Variants in RHOBTB2 observed in about 807,000 individuals in gnomAD.
RHOBTB2 encodes the protein Rho related BTB domain containing 2.
In RHOBTB2, 39 loss-of-function variants were observed where a neutral mutation model predicts 66.5. The ratio of observed to expected loss-of-function variants is 0.59; its 90% confidence interval spans 0.45 to 0.77. The LOEUF (loss-of-function observed/expected upper bound fraction) is 0.77. RHOBTB2 is among the 30% of genes least tolerant of loss of function. The pLI, the probability that RHOBTB2 is intolerant of heterozygous loss-of-function variation, is 0.00. For synonymous variants in RHOBTB2, 390 were observed against 395.0 expected (o/e 0.99, Z 0.15); for missense variants, 755 against 999.1 (o/e 0.76, Z 3.29).
rs945256813 is a variant in RHOBTB2 at position 23,000,067 on chromosome 8, G to C, written c.-49G>C. Reference sequence around the variant, plus strand: ...GAGCGTGCTCAGCAGGAAGAGATGTGTTCCTCACGCTAGAAGCCACCCCGT... The same window carrying C: ...GAGCGTGCTCAGCAGGAAGAGATGTCTTCCTCACGCTAGAAGCCACCCCGT... On this transcript the variant is annotated 5_prime_UTR_variant, in exon 1 of 10. Transcript: ENST00000251822. 1.1e-5 allele frequency: 11 copies of C among 985,386 alleles called. No individual in the cohort carries two copies. Among genetic ancestry groups the C allele is most frequent in the African/African-American group, 1.7e-5 (1 of 57,246 alleles). The allele number at this position is 985,386 out of a possible 1,614,324, so 61.0% of individuals were successfully genotyped here. A position where few individuals can be genotyped will look rare whatever the true frequency, so the allele number is the denominator to read the frequency against.
the RHOBTB2 span, among the ~76,000 whole-genome samples, chr8:22,959,881 T>C: frequency 6.6e-6 from 1 of 151,334 alleles, no homozygotes; most frequent in Non-Finnish European, 1.5e-5. Flanking sequence ...GTTGAAATGT[T>C]GGCCGGGTGT....
chr8:23,013,195 A>G (rs1811195968), intron 7 of RHOBTB2, among the ~76,000 whole-genome samples: 1 of 151,988 alleles, frequency 6.6e-6, no homozygotes, highest in African/African-American at 2.4e-5. Context: ...CGGCTTCCCA[A>G]AGTGCTGTGA....
At chr8:23,001,698 G>A (rs1157308134) in intron 1 of RHOBTB2, among the ~76,000 whole-genome samples, 4 of 152,178 alleles carry the variant, frequency 2.6e-5, no homozygotes, top group Non-Finnish European at 4.4e-5. Context: ...TTCCCAGAGG[G>A]GGAGACTGAT....
chr8:23,009,692 G>A (rs1467598318), intron 6 of RHOBTB2, among the ~76,000 whole-genome samples: 2 of 152,214 alleles, frequency 1.3e-5, no homozygotes, highest in African/African-American at 4.8e-5. Flanking sequence ...GATGTGGAAT[G>A]TGCATTTTCT....
upstream of RHOBTB2, among the ~76,000 whole-genome samples, chr8:22,984,235 T>C (rs185110164): frequency 6.6e-6 from 1 of 152,272 alleles, no homozygotes; most frequent in African/African-American, 2.4e-5. Context: ...CCATACAATA[T>C]GGTACAAAAT....
chr8:22,999,548 G>C lies in RHOBTB2; in HGVS notation c.-568G>C. The C allele has an allele frequency of 2.5e-6, 3 of 1,176,634 alleles. No individual in the cohort carries two copies. The highest frequency in any genetic ancestry group is 3.2e-6 in the Non-Finnish European group (3 of 938,920). 72.9% of individuals were successfully genotyped at this position (1,176,634 alleles called of 1,614,324 possible). The stretch of plus-strand genomic sequence containing the variant: ...CCACCAACTGCGCGCGGCAGTGGGC[G>C]GGGCCCGTCACGGCTGTCGTCTTGG... On this transcript the variant is annotated 5_prime_UTR_variant, in exon 1 of 10. Coordinates refer to ENST00000251822, the MANE Select transcript of RHOBTB2 (RefSeq NM_015178.3).
intron 7 of RHOBTB2, among the ~76,000 whole-genome samples, chr8:23,013,550 T>C (rs1030877255): frequency 1.3e-5 from 2 of 152,076 alleles, no homozygotes; most frequent in East Asian, 1.9e-4. Flanking sequence ...GGCTGGAGTA[T>C]AGTGATGTGA....
At chr8:22,986,314 C>T (rs1373882576), upstream of RHOBTB2, among the ~76,000 whole-genome samples, 2 of 125,234 alleles carry the variant, frequency 1.6e-5, no homozygotes, top group East Asian at 2.4e-4. Flanking sequence ...TCACTCTTTT[C>T]GCCCAGGTGT....
the RHOBTB2 span, among the ~76,000 whole-genome samples, chr8:22,969,257 C>G: frequency 1.3e-5 from 2 of 152,164 alleles, no homozygotes; most frequent in East Asian, 1.9e-4. Flanking sequence ...GTAACCCCCC[C>G]ACCCCCGCAT....
In RHOBTB2 at chr8:23,005,537, C is replaced by T. The variant is rs1051962718; in HGVS notation, c.296+62C>T. The T allele has an allele frequency of 5.4e-6, 6 of 1,116,582 alleles. No homozygotes were observed. The African/African-American group carries it at 7.7e-5, about 14-fold the overall frequency. 69.2% of individuals were successfully genotyped at this position (1,116,582 alleles called of 1,614,324 possible). A position where few individuals can be genotyped will look rare whatever the true frequency, so the allele number is the denominator to read the frequency against. On this transcript the variant is annotated intron_variant, in intron 3 of 9. Coordinates refer to ENST00000251822, the MANE Select transcript of RHOBTB2 (RefSeq NM_015178.3). Reference sequence around the variant, plus strand: ...AGGGTGGGTTTTTCCCTGCTTTTCCCAGGAACAAAGCACCTCTGTGAAATT... The same window carrying T: ...AGGGTGGGTTTTTCCCTGCTTTTCCTAGGAACAAAGCACCTCTGTGAAATT...
chr8:22,972,696 C>G, the RHOBTB2 span, among the ~76,000 whole-genome samples: 3 of 152,236 alleles, frequency 2.0e-5, no homozygotes, highest in Non-Finnish European at 4.4e-5. Context: ...TTGGACCCTA[C>G]TCCCAGCGTT....
rs1342073189 is a variant in RHOBTB2, at chr8:23,004,537, G to A, written c.103G>A (p.Ala35Thr). 5.6e-6 allele frequency: 9 copies of A among 1,614,090 alleles called. No individual in the cohort carries two copies. Among genetic ancestry groups the A allele is most frequent in the South Asian group, 1.1e-5 (1 of 91,096 alleles). The change falls in exon 2 of 10, where the codon GCT (alanine) becomes ACT (threonine). Residue 35 changes from alanine (A) to threonine (T), a missense_variant. This residue lies in a region of RHOBTB2 where 65 missense variants were observed against 152.4 expected (regional missense o/e 0.43). Transcript: ENST00000251822. The surrounding 1 kb of genome is among the most constrained non-coding windows in gnomAD (Gnocchi z 6.4). ...TAAGACCAGGCTCATCTGTGCCCGC[G>A]CTTGCAATGCCACCCTCACCCAGTA... ...VGKTRLICARACNATLTQYQL... is the reference protein window; with the variant it reads ...VGKTRLICARTCNATLTQYQL...
chr8:23,017,452 T>TC lies in RHOBTB2; in HGVS notation c.2169dup (p.Ser724LeufsTer135). On this transcript the variant is annotated frameshift_variant, in exon 10 of 10. Coordinates refer to ENST00000251822, the MANE Select transcript of RHOBTB2 (RefSeq NM_015178.3). LOFTEE classifies it high-confidence loss of function. This position sits in a 1 kb window ranked among gnomAD's most constrained non-coding sequence, Gnocchi z 5.3. ...AGCCTCCTCCTCATCCCCATCTTCC[T>TC]CCTCGGCTGTGGTCTGAGATGCTGC... The TC allele has an allele frequency of 6.3e-7, 1 of 1,590,986 alleles. No individual in the cohort carries two copies. The highest frequency in any genetic ancestry group is 8.6e-7 in the Non-Finnish European group (1 of 1,168,718).
chr8:23,016,652 TTTGCCTGC>T (rs1811299646), intron 9 of RHOBTB2, among the ~76,000 whole-genome samples: 1 of 152,114 alleles, frequency 6.6e-6, no homozygotes, highest in African/African-American at 2.4e-5. Context: ...CCTCAGGCAA[TTTGCCTGC>T]CTCGGCCTCC....
the RHOBTB2 span, among the ~76,000 whole-genome samples, chr8:22,976,324 T>C: frequency 6.6e-6 from 1 of 152,096 alleles, no homozygotes; most frequent in South Asian, 2.1e-4. Context: ...ACAGGCTGTC[T>C]CCCAGGACAT....
At chr8:22,963,596 C>G in the RHOBTB2 span, among the ~76,000 whole-genome samples, 12 of 151,764 alleles carry the variant, frequency 7.9e-5, no homozygotes, top group African/African-American at 2.9e-4. Flanking sequence ...TAAAGACATA[C>G]CCAAGACTGA....
chr8:22,959,367 C>G, the RHOBTB2 span, among the ~76,000 whole-genome samples: 1 of 152,314 alleles, frequency 6.6e-6, no homozygotes, highest in East Asian at 1.9e-4. Flanking sequence ...CTGCCTCGGG[C>G]TCCCGAGTAG....
chr8:22,978,529 A>G, the RHOBTB2 span, among the ~76,000 whole-genome samples: 85 of 151,056 alleles, frequency 5.6e-4, no homozygotes, highest in African/African-American at 1.5e-3. Flanking sequence ...CCAAAACTTA[A>G]CAATTGTTAA....
Position 23,006,243 on chromosome 8 carries a change from C to T in RHOBTB2, c.482+98C>T. 1.9e-6 allele frequency: 2 copies of T among 1,055,088 alleles called. No homozygotes were observed. The highest frequency in any genetic ancestry group is 2.8e-6 in the Non-Finnish European group (2 of 722,070). 65.4% of individuals were successfully genotyped at this position (1,055,088 alleles called of 1,614,324 possible). On this transcript the variant is annotated intron_variant, in intron 4 of 9. Transcript: ENST00000251822. The surrounding 1 kb of genome is among the most constrained non-coding windows in gnomAD (Gnocchi z 6.1). ...GAATTCCACTGAGCCTCATATCTCTCCCTCCATTTGGAGCAAGCTTGCATT... is the reference window on the plus strand; with the variant it reads ...GAATTCCACTGAGCCTCATATCTCTTCCTCCATTTGGAGCAAGCTTGCATT...
Sources: gnomAD v4.1 joint callset for allele counts (sites outside exome capture counted in the v4.1 genomes callset) on GRCh38, gnomAD v4.1.1 for gene constraint, gnomAD v4.1.1 regional missense constraint, Gnocchi (gnomAD v3.1) non-coding constraint, MANE v1.5 for transcripts, NCBI Gene and HGNC (gene_info 2026-07-23, HGNC 2026-07-21) for gene names.